The following TLK1 variants were observed in gnomAD, a reference collection of about 807,000 sequenced individuals.
TLK1 encodes the protein serine/threonine-protein kinase tousled-like 1.
TLK1 carries 24 observed loss-of-function variants against 105.3 expected under a neutral mutation model. That is an observed-to-expected ratio of 0.23 (90% CI 0.17 to 0.32). TLK1 has a LOEUF of 0.32. Among genes scored for constraint, TLK1 ranks in the 10% least tolerant of loss-of-function variants. The probability of loss-of-function intolerance (pLI) is 1.00; values close to 1 mark genes in which losing one functional copy is unlikely to be tolerated. For missense variants in TLK1, 558 were observed against 910.5 expected, an observed-to-expected ratio of 0.61 and a Z score of 4.98; for synonymous variants, 321 against 310.4, an observed-to-expected ratio of 1.03 and a Z score of -0.36.
intron 1 of TLK1, among the ~76,000 whole-genome samples, chr2:171,194,335 A>C (rs1693218704): frequency 6.6e-6 from 1 of 152,150 alleles, no homozygotes; most frequent in African/African-American, 2.4e-5. Context: ...TTCAGAAATA[A>C]ATTGACTGAA....
At chr2:171,217,584 G>A (rs769464764) in intron 1 of TLK1, among the ~76,000 whole-genome samples, 1 of 152,196 alleles carries the variant, frequency 6.6e-6, no homozygotes, top group Non-Finnish European at 1.5e-5. Flanking sequence ...GATCATGAGG[G>A]CTTGGATAAT....
intron 1 of TLK1, among the ~76,000 whole-genome samples, chr2:171,227,547 A>G (rs1575666088): frequency 1.8e-5 from 2 of 110,206 alleles, no homozygotes; most frequent in African/African-American, 6.8e-5. Context: ...TACATGAGTT[A>G]GTCATGAGTT....
At chr2:171,009,148 CTAAGT>C (rs1202257361) in intron 14 of TLK1, among the ~76,000 whole-genome samples, 3 of 152,066 alleles carry the variant, frequency 2.0e-5, no homozygotes, top group African/African-American at 4.8e-5. Flanking sequence ...TAATGCTTAT[CTAAGT>C]TAACAAAAAA....
chr2:171,139,289 C>CAA (rs34721733), intron 1 of TLK1, among the ~76,000 whole-genome samples: 2 of 151,918 alleles, frequency 1.3e-5, no homozygotes, highest in Non-Finnish European at 2.9e-5. Flanking sequence ...AGCCGGTTGC[C>CAA]AAAAAAACTT....
At chr2:171,016,405 A>C (rs1397745522) in intron 12 of TLK1, among the ~76,000 whole-genome samples, 2 of 152,146 alleles carry the variant, frequency 1.3e-5, no homozygotes, top group African/African-American at 2.4e-5. Context: ...AAGTGTTGGG[A>C]TTATAGGTGT....
At chr2:171,214,647 T>C (rs1056350379) in intron 1 of TLK1, among the ~76,000 whole-genome samples, 1 of 152,228 alleles carries the variant, frequency 6.6e-6, no homozygotes, top group Non-Finnish European at 1.5e-5. Context: ...TTTGCATTTC[T>C]ATTAAGTTCC....
At chr2:171,139,106 A>G (rs1165004591) in intron 1 of TLK1, among the ~76,000 whole-genome samples, 1 of 152,214 alleles carries the variant, frequency 6.6e-6, no homozygotes, top group Non-Finnish European at 1.5e-5. Flanking sequence ...TTTTACTTAC[A>G]GGACAAAGAA....
At chr2:171,039,261 T>C (rs929669161) in intron 11 of TLK1, among the ~76,000 whole-genome samples, 4 of 152,134 alleles carry the variant, frequency 2.6e-5, no homozygotes, top group Non-Finnish European at 4.4e-5. Context: ...GAGCTTTGTT[T>C]TGTTTTGTTG....
intron 3 of TLK1, among the ~76,000 whole-genome samples, chr2:171,076,207 A>C (rs1688495794): frequency 1.4e-5 from 2 of 146,884 alleles, no homozygotes; most frequent in South Asian, 4.7e-4. Flanking sequence ...AACAGAGCAA[A>C]ACTCCATCTC....
rs986619204 is a variant in TLK1 at position 171,200,860 on chromosome 2, G to T, written c.-6+30285C>A. ...AAATTGCTCCTGACAAGTCAAATTA[G>T]GCACTTGGCTCAGATCCCTTCTTTT... On this transcript the variant is annotated intron_variant, in intron 1 of 20. Transcript: ENST00000521943. Among the ~76,000 whole-genome samples, 3 of 149,998 alleles carry T rather than the reference G, an allele frequency of 2.0e-5. No individual in the cohort carries two copies. In the Admixed American group the frequency reaches 2.0e-4, roughly 10 times the overall value.
chr2:171,075,120 T>C (rs765259172), intron 3 of TLK1, among the ~76,000 whole-genome samples: 12 of 152,094 alleles, frequency 7.9e-5, no homozygotes, highest in Non-Finnish European at 7.4e-5. Context: ...GTATTACCTC[T>C]GTTTTCAAAT....
At position 171,058,082 on chromosome 2, in the gene TLK1, G is replaced by C. The variant is rs374161080; in HGVS notation, c.453+69C>G. 1,138 of 1,525,944 alleles carry C rather than the reference G, an allele frequency of 7.5e-4. 12 individuals carry two copies. The highest frequency in any genetic ancestry group is 1.2e-3 in the Middle Eastern group (7 of 5,878). The allele number at this position is 1,525,944 out of a possible 1,614,324, so 94.5% of individuals were successfully genotyped here. ...TCAAAAGCTGACCTTGTGCTTCTAA[G>C]AAATTATTTCTAGCTCACAGCAGAA... is the stretch of plus-strand genomic sequence containing the variant. On this transcript the variant is annotated intron_variant, in intron 5 of 20. Transcript: ENST00000431350.
rs374155432 is a variant in TLK1 at position 171,230,296 on chromosome 2, TG to T, written c.-6+848del. On this transcript the variant is annotated intron_variant, in intron 1 of 20. Transcript: ENST00000521943. Reference sequence around the variant, plus strand: ...CAGACTATACTTTGACCCACTTCCTTGCAACCAAAAGCTATGTAGCTCCAGA... The same window carrying T: ...CAGACTATACTTTGACCCACTTCCTTCAACCAAAAGCTATGTAGCTCCAGA... Among the ~76,000 whole-genome samples, 434 of 152,356 alleles carry T rather than the reference TG, an allele frequency of 2.8e-3. 2 individuals are homozygous for T. The highest frequency in any genetic ancestry group is 0.014 in the Middle Eastern group (4 of 294).
intron 11 of TLK1, among the ~76,000 whole-genome samples, chr2:171,043,538 C>T (rs1686794671): frequency 6.6e-6 from 1 of 152,048 alleles, no homozygotes; most frequent in Non-Finnish European, 1.5e-5. Flanking sequence ...GACTCTACGA[C>T]ATGAAAACAG....
chr2:171,067,797 T>G (rs902825510), intron 3 of TLK1, among the ~76,000 whole-genome samples: 2 of 151,680 alleles, frequency 1.3e-5, no homozygotes, highest in Non-Finnish European at 2.9e-5. Flanking sequence ...TTATGTGAAG[T>G]CCCCCCAACC....
At chr2:171,025,447 T>C (rs1450243675) in intron 12 of TLK1, among the ~76,000 whole-genome samples, 1 of 152,174 alleles carries the variant, frequency 6.6e-6, no homozygotes, top group Non-Finnish European at 1.5e-5. Context: ...TAAGAATTTA[T>C]TGAAGGGAGA....
At chr2:171,028,638 G>A (rs768387161) in intron 11 of TLK1, among the ~76,000 whole-genome samples, 5 of 151,986 alleles carry the variant, frequency 3.3e-5, no homozygotes, top group Non-Finnish European at 7.4e-5. Flanking sequence ...AAAATCCTTT[G>A]AGATATTCTT....
intron 1 of TLK1, among the ~76,000 whole-genome samples, chr2:171,215,068 G>A (rs1424875259): frequency 6.6e-6 from 1 of 152,056 alleles, no homozygotes; most frequent in Non-Finnish European, 1.5e-5. Flanking sequence ...AGTCTCCCGA[G>A]TAGCTGGGAC....
At chr2:171,220,442 TA>T (rs202038051) in intron 1 of TLK1, among the ~76,000 whole-genome samples, 1 of 152,036 alleles carries the variant, frequency 6.6e-6, no homozygotes, top group Non-Finnish European at 1.5e-5. Flanking sequence ...GACAAAGTCA[TA>T]AAGGATGTTA....
Sources: allele counts gnomAD v4.1 joint callset (sites outside exome capture counted in the v4.1 genomes callset), GRCh38; gene constraint gnomAD v4.1.1; transcripts MANE v1.5; gene names NCBI Gene and HGNC (gene_info 2026-07-23, HGNC 2026-07-21).